DSP: variants seen among roughly 807,000 people sequenced by gnomAD.
The protein encoded by DSP is desmoplakin.
A neutral mutation model predicts 290.6 loss-of-function variants in DSP; 114 were observed. The ratio of observed to expected loss-of-function variants is 0.39; its 90% CI spans 0.34 to 0.46. The LOEUF (loss-of-function observed/expected upper bound fraction) is 0.46, where lower values mean the gene tolerates loss of function less well. Ranked by LOEUF, DSP falls within the 20% of genes least tolerant of loss-of-function variation. The pLI, the probability that DSP is intolerant of heterozygous loss-of-function variation, is 0.99. For missense variants in DSP, 3,230 were observed against 3,495.8 expected, an observed-to-expected ratio of 0.92 and a Z score of 1.92; for synonymous variants, 1,311 against 1,316.4, an observed-to-expected ratio of 1.00 and a Z score of 0.09.
At chr6:7,551,357 T>A (rs1758337307) in intron 1 of DSP, among the ~76,000 whole-genome samples, 1 of 152,134 alleles carries the variant, frequency 6.6e-6, no homozygotes, top group Non-Finnish European at 1.5e-5. Flanking sequence ...CTGGGAGTGG[T>A]GCCTCCCATC....
chr6:7,566,627 G>A, intron 8 of DSP, 146 bp downstream of exon 8: 2 of 690,564 alleles, frequency 2.9e-6, no homozygotes, highest in East Asian at 2.7e-5. Flanking sequence ...CCAGGGGTTG[G>A]CAAACTCTTT....
chr6:7,543,469 G>A (rs1354108577), intron 1 of DSP, among the ~76,000 whole-genome samples: 2 of 128,752 alleles, frequency 1.6e-5, no homozygotes, highest in Non-Finnish European at 3.2e-5. Flanking sequence ...TGAACAAAAT[G>A]TGTCTGGGGA....
At chr6:7,570,641 A>G (rs1274823239) in intron 13 of DSP, 78 bp downstream of exon 13, 4 of 1,596,790 alleles carry the variant, frequency 2.5e-6, no homozygotes, top group African/African-American at 2.7e-5. Context: ...CAACAGTTCA[A>G]CCTTCTTGCT....
At chr6:7,557,513 C>T (rs1371777999) in intron 2 of DSP, among the ~76,000 whole-genome samples, 1 of 152,058 alleles carries the variant, frequency 6.6e-6, no homozygotes, top group African/African-American at 2.4e-5. Flanking sequence ...AACCCTGTCT[C>T]TATTAAAAAT....
Position 7,574,756 on chromosome 6 carries a change from G to C in DSP, c.2397G>C (p.Leu799=). 1 of 1,614,146 alleles carries C rather than the reference G, an allele frequency of 6.2e-7. No individual in the cohort carries two copies. Among genetic ancestry groups the C allele is most frequent in the Non-Finnish European group, 8.5e-7 (1 of 1,180,032 alleles). The change falls in exon 17 of 24, where the codon CTG becomes CTC. Residue 799 remains leucine (L), a synonymous_variant. Coordinates refer to ENST00000379802, the MANE Select transcript of DSP (RefSeq NM_004415.4). ...ARLTEEETVC[L]DLDKVEAYRC... ...TCACTGAGGAGGAAACTGTCTGCCT[G>C]GACCTGGATAAAGTGGAAGCTTACC...
At chr6:7,553,746 G>C (rs1758407211) in intron 1 of DSP, among the ~76,000 whole-genome samples, 1 of 152,124 alleles carries the variant, frequency 6.6e-6, no homozygotes, top group African/African-American at 2.4e-5. Context: ...TTGCATTGGT[G>C]GTGGGTGGGG....
chr6:7,585,099 C>G lies in DSP; in HGVS notation c.7837C>G (p.Leu2613Val), dbSNP rs1286275087. The G allele has an allele frequency of 6.2e-6, 10 of 1,614,126 alleles. No individual in the cohort carries two copies. Among genetic ancestry groups the G allele is most frequent in the Non-Finnish European group, 8.5e-6 (10 of 1,180,010 alleles). The change falls in exon 24 of 24, where the codon CTG becomes GTG. Residue 2613 changes from leucine (L) to valine (V), a missense_variant. By Grantham distance (32) the Leu-to-Val change is conservative. This residue lies in a region of DSP where 582 missense variants were observed against 555.4 expected (regional missense o/e 1.05). Coordinates refer to ENST00000379802, the MANE Select transcript of DSP (RefSeq NM_004415.4). Reference protein sequence around the residue: ...TIRSSSFSDTLEESSPIAAIF... With the variant: ...TIRSSSFSDTVEESSPIAAIF... ...AAGGAGCAGCTCTTTTTCAGACACC[C>G]TGGAAGAATCGAGCCCCATTGCAGC... is the stretch of plus-strand genomic sequence containing the variant.
At chr6:7,575,574 G>A in intron 18 of DSP, 86 bp downstream of exon 18, 1 of 1,523,374 alleles carries the variant, frequency 6.6e-7, no homozygotes, top group East Asian at 2.3e-5. Context: ...AACCACTGAA[G>A]AAAACAGAGG....
intron 8 of DSP, among the ~76,000 whole-genome samples, chr6:7,566,845 A>G (rs1306789902): frequency 6.6e-6 from 1 of 152,208 alleles, no homozygotes; most frequent in Admixed American, 6.5e-5. Context: ...GCTGCCCTAG[A>G]CTGCCATCTT....
intron 18 of DSP, among the ~76,000 whole-genome samples, 189 bp downstream of exon 18, chr6:7,575,677 G>A (rs920523152): frequency 1.3e-5 from 2 of 152,180 alleles, no homozygotes; most frequent in African/African-American, 2.4e-5. Context: ...AATGCATCAC[G>A]ATAGCCAACC....
Position 7,560,274 on chromosome 6 carries a change from A to C in DSP, c.597+874A>C, listed in dbSNP as rs565596873. Among the ~76,000 whole-genome samples the C allele has an allele frequency of 7.4e-4, 113 of 152,344 alleles. 1 individual carries two copies. The highest frequency in any genetic ancestry group is 2.6e-3 in the African/African-American group (109 of 41,592). On this transcript the variant is annotated intron_variant, in intron 4 of 23. Coordinates refer to ENST00000379802, the MANE Select transcript of DSP (RefSeq NM_004415.4). ...TAGACTAATTCAGCAGTGGTTCTAA[A>C]ATTTCTCAACTCCTTTAAAATTTTT...
At chr6:7,557,654 T>C (rs1758539728) in intron 2 of DSP, among the ~76,000 whole-genome samples, 1 of 152,120 alleles carries the variant, frequency 6.6e-6, no homozygotes, top group South Asian at 2.1e-4. Context: ...CACTCTAGCC[T>C]GGGCAACAGA....
chr6:7,560,000 C>G (rs902683686), intron 4 of DSP, among the ~76,000 whole-genome samples: 1 of 152,208 alleles, frequency 6.6e-6, no homozygotes, highest in South Asian at 2.1e-4. Flanking sequence ...GATCCTTTCC[C>G]TAGAACTGGA....
At chr6:7,571,788 C>G in intron 14 of DSP, 54 bp from the exon 15 acceptor site, 1 of 1,568,984 alleles carries the variant, frequency 6.4e-7, no homozygotes, top group Non-Finnish European at 8.7e-7. Context: ...TGAGGCCTAG[C>G]ACCTTGATAC....
intron 6 of DSP, among the ~76,000 whole-genome samples, chr6:7,564,788 C>T (rs902001496): frequency 6.8e-6 from 1 of 147,790 alleles, no homozygotes; most frequent in African/African-American, 2.5e-5. Context: ...ATCATGTGTA[C>T]CCCCAAATAT....
rs1057113375 is a variant in DSP, at chr6:7,542,077, C to T, written c.162C>T (p.Asp54=). The change falls in exon 1 of 24, where the codon GAC becomes GAT. Residue 54 remains aspartate (D), a synonymous_variant. Coordinates refer to ENST00000379802, the MANE Select transcript of DSP (RefSeq NM_004415.4). The part of the protein sequence containing the change: ...RRGVITDQNS[D]GYCQTGTMSR... The stretch of plus-strand genomic sequence containing the variant: ...GCGTGATCACCGACCAGAACTCGGA[C>T]GGCTACTGGTGGGTACCTGCCCGGA... The T allele has an allele frequency of 6.4e-7, 1 of 1,562,054 alleles. No individual in the cohort carries two copies. The highest frequency in any genetic ancestry group is 8.7e-7 in the Non-Finnish European group (1 of 1,153,406).
At position 7,580,374 on chromosome 6, in the gene DSP, T is replaced by A. The variant is rs1220191244; in HGVS notation, c.4184T>A (p.Ile1395Lys). 8.1e-6 allele frequency: 13 copies of A among 1,613,968 alleles called. No homozygotes were observed. Among genetic ancestry groups the A allele is most frequent in the Non-Finnish European group, 1.1e-5 (13 of 1,180,020 alleles). Residue 1395 changes from isoleucine (I) to lysine (K), a missense_variant, in exon 23 of 24, where the codon ATA (isoleucine) becomes AAA (lysine). Coordinates refer to ENST00000379802, the MANE Select transcript of DSP (RefSeq NM_004415.4). This position sits in a 1 kb window ranked among gnomAD's most constrained non-coding sequence, Gnocchi z 4.2. The stretch of plus-strand genomic sequence containing the variant: ...GATACCAGTGGCTACCGGGCTCAGA[T>A]AGACAATCTCACCCGAGAAAACAGG... ...EEDTSGYRAQ[I>K]DNLTRENRSL...
chr6:7,576,416 G>C lies in DSP; in HGVS notation c.2753G>C (p.Gly918Ala). Residue 918 changes from glycine to alanine, a missense_variant, in exon 19 of 24, where the codon GGA becomes GCA. By Grantham distance (60) the Gly-to-Ala change is moderately conservative (BLOSUM62 0). This residue lies in a region of DSP where 1,714 missense variants were observed against 1,844.5 expected (regional missense o/e 0.93). Coordinates refer to ENST00000379802, the MANE Select transcript of DSP (RefSeq NM_004415.4). The stretch of plus-strand genomic sequence containing the variant: ...GATTCCTTAGAATCCATGAAATTTG[G>C]AGATTCCAACACAGTCATGCGGTTT... ...RQDSLESMKF[G>A]DSNTVMRFLN... is the part of the protein sequence containing the mutation. 6.2e-7 allele frequency: 1 copy of C among 1,614,102 alleles called. No individual in the cohort carries two copies. The highest frequency in any genetic ancestry group is 1.1e-5 in the South Asian group (1 of 91,086).
At chr6:7,559,940 T>C (rs1237437148) in intron 4 of DSP, among the ~76,000 whole-genome samples, 1 of 152,230 alleles carries the variant, frequency 6.6e-6, no homozygotes, top group East Asian at 1.9e-4. Context: ...TGTGCAACCA[T>C]CACGTCACCA....
Sources: allele counts gnomAD v4.1 joint callset (sites outside exome capture counted in the v4.1 genomes callset), GRCh38; gene constraint gnomAD v4.1.1; regional missense constraint gnomAD v4.1.1; non-coding constraint Gnocchi (gnomAD v3.1); transcripts MANE v1.5; gene names NCBI Gene and HGNC (gene_info 2026-07-23, HGNC 2026-07-21).